Variants in ZBTB20 observed in about 807,000 individuals in gnomAD.
The protein encoded by ZBTB20 is zinc finger and BTB domain containing 20.
ZBTB20 carries 9 observed loss-of-function variants against 56.9 expected under a neutral mutation model. The ratio of observed to expected loss-of-function variants is 0.16; its 90% CI spans 0.10 to 0.28. The LOEUF (loss-of-function observed/expected upper bound fraction) is 0.28, where lower values mean the gene tolerates loss of function less well. Ranked by LOEUF, ZBTB20 falls within the 10% of genes least tolerant of loss-of-function variation. The pLI is 1.00. For missense variants in ZBTB20, 655 were observed against 1,003.0 expected (o/e 0.65, Z 4.69); for synonymous variants, 417 against 420.7 (o/e 0.99, Z 0.11).
chr3:114,557,856 T>C (rs1189554153), intron 6 of ZBTB20, among the ~76,000 whole-genome samples: 2 of 152,056 alleles, frequency 1.3e-5, no homozygotes, highest in Non-Finnish European at 2.9e-5. Context: ...TAAATTATTA[T>C]TTTTACACAT....
In ZBTB20 at chr3:114,318,032, T is replaced by C. The variant is rs1411402468; in HGVS notation, c.*20973A>G. ...TGGTCTGGAAAGTGCCCCAGTTAAA[T>C]ATCTCCAGTTCATCATGGTACAGCT... On this transcript the variant is annotated 3_prime_UTR_variant, in exon 12 of 12. Coordinates refer to ENST00000675478, the MANE Select transcript of ZBTB20 (RefSeq NM_001348800.3). 6.6e-6 allele frequency: 1 copy of C among 152,208 alleles called. No individual in the cohort carries two copies. Among genetic ancestry groups the C allele is most frequent in the Non-Finnish European group, 1.5e-5 (1 of 68,044 alleles). 9.4% of individuals were successfully genotyped at this position (152,208 alleles called of 1,614,324 possible).
intron 7 of ZBTB20, among the ~76,000 whole-genome samples, chr3:114,431,006 C>T (rs2090078629): frequency 6.6e-6 from 1 of 152,166 alleles, no homozygotes; most frequent in African/African-American, 2.4e-5. Flanking sequence ...TGGAGTTTCT[C>T]CTCGTGCTAA....
intron 5 of ZBTB20, among the ~76,000 whole-genome samples, chr3:114,774,435 T>C (rs1354927980): frequency 6.6e-6 from 1 of 152,202 alleles, no homozygotes; most frequent in Non-Finnish European, 1.5e-5. Context: ...CAATGCAGGA[T>C]AGAAATGGCC....
intron 1 of ZBTB20, among the ~76,000 whole-genome samples, chr3:115,120,474 T>G (rs573205622): frequency 6.6e-6 from 1 of 151,730 alleles, no homozygotes; most frequent in Non-Finnish European, 1.5e-5. Flanking sequence ...CAGAAAAAAA[T>G]TTTTTGAGTC....
intron 5 of ZBTB20, among the ~76,000 whole-genome samples, chr3:114,748,683 G>A (rs1578681460): frequency 1.3e-5 from 2 of 152,052 alleles, no homozygotes; most frequent in Non-Finnish European, 1.5e-5. Context: ...GAAGATTACT[G>A]GTTTGAAGGC....
chr3:114,530,491 G>T (rs1443672073), intron 6 of ZBTB20, among the ~76,000 whole-genome samples: 1 of 152,154 alleles, frequency 6.6e-6, no homozygotes, highest in Non-Finnish European at 1.5e-5. Flanking sequence ...ACACAACGAT[G>T]AAATTGCCTA....
chr3:114,873,060 T>C (rs1179600058), intron 4 of ZBTB20: 4 of 152,158 alleles, frequency 2.6e-5, no homozygotes, highest in Non-Finnish European at 5.9e-5. Context: ...TTGAAGATAC[T>C]GAGGCCCAGT....
intron 2 of ZBTB20, among the ~76,000 whole-genome samples, chr3:115,047,917 T>C (rs1376597798): frequency 6.6e-6 from 1 of 152,136 alleles, no homozygotes; most frequent in Non-Finnish European, 1.5e-5. Flanking sequence ...CTAATACTTA[T>C]TAAGAGCTAA....
At chr3:114,672,591 G>A (rs1343621975) in intron 6 of ZBTB20, among the ~76,000 whole-genome samples, 2 of 152,072 alleles carry the variant, frequency 1.3e-5, no homozygotes, top group African/African-American at 4.8e-5. Flanking sequence ...GCCAGTAGAC[G>A]CCAGCCTACC....
chr3:114,514,465 C>G (rs532820479), intron 6 of ZBTB20, among the ~76,000 whole-genome samples: 1 of 152,150 alleles, frequency 6.6e-6, no homozygotes, highest in Non-Finnish European at 1.5e-5. Flanking sequence ...GCTTTTCTTA[C>G]GAATACCAGA....
intron 2 of ZBTB20, among the ~76,000 whole-genome samples, chr3:115,001,054 G>A (rs2079225765): frequency 6.7e-6 from 1 of 149,262 alleles, no homozygotes; most frequent in African/African-American, 2.5e-5. Context: ...TATCTGAAGT[G>A]GCATATTCTA....
intron 5 of ZBTB20, among the ~76,000 whole-genome samples, chr3:114,794,422 G>A (rs1230782825): frequency 3.3e-5 from 5 of 152,086 alleles, no homozygotes; most frequent in Admixed American, 1.3e-4. Context: ...TTTAGCTCCT[G>A]AGTATTGGGA....
chr3:114,331,802 T>C lies in ZBTB20; in HGVS notation c.*7203A>G, dbSNP rs938413035. On this transcript the variant is annotated 3_prime_UTR_variant, in exon 12 of 12. Transcript: ENST00000675478. ...CGTGAGATATGTCAGACCTTCGACT[T>C]CTAACCAGAAGTTCAAAAATGTATC... 4 of 152,228 alleles carry C rather than the reference T, an allele frequency of 2.6e-5. No homozygotes were observed. The highest frequency in any genetic ancestry group is 9.7e-5 in the African/African-American group (4 of 41,450). The allele number at this position is 152,228 out of a possible 1,614,324, so 9.4% of individuals were successfully genotyped here. A position where few individuals can be genotyped will look rare whatever the true frequency, so the allele number is the denominator to read the frequency against.
intron 6 of ZBTB20, among the ~76,000 whole-genome samples, chr3:114,617,090 C>T (rs1043653329): frequency 6.6e-6 from 1 of 152,308 alleles, no homozygotes; most frequent in Admixed American, 6.5e-5. Flanking sequence ...CTATCCTCTA[C>T]CCTGCTGACA....
chr3:114,858,974 T>A (rs1576132605), intron 4 of ZBTB20, among the ~76,000 whole-genome samples: 1 of 152,198 alleles, frequency 6.6e-6, no homozygotes, highest in Admixed American at 6.5e-5. Context: ...GTATGGCTGG[T>A]ATGATCTCAC....
intron 2 of ZBTB20, among the ~76,000 whole-genome samples, chr3:115,042,935 T>C (rs971662897): frequency 1.3e-5 from 2 of 152,212 alleles, no homozygotes; most frequent in Admixed American, 1.3e-4. Context: ...ATCATAAGTG[T>C]TGAGATCCTA....
At chr3:114,361,656 A>G (rs1445455916) in intron 10 of ZBTB20, among the ~76,000 whole-genome samples, 1 of 152,186 alleles carries the variant, frequency 6.6e-6, no homozygotes, top group African/African-American at 2.4e-5. Context: ...ATTAACCCAG[A>G]ATGGGTAAGG....
chr3:114,482,485 G>T (rs1011939643), intron 7 of ZBTB20, among the ~76,000 whole-genome samples: 1 of 152,314 alleles, frequency 6.6e-6, no homozygotes, highest in South Asian at 2.1e-4. Flanking sequence ...TAATGGGTCA[G>T]TCACTCTTAA....
At chr3:114,698,842 T>C (rs1384315585) in intron 5 of ZBTB20, among the ~76,000 whole-genome samples, 1 of 152,150 alleles carries the variant, frequency 6.6e-6, no homozygotes, top group Non-Finnish European at 1.5e-5. Context: ...CCCATGGTGG[T>C]ATGCACACAG....
Sources: allele counts gnomAD v4.1 joint callset (sites outside exome capture counted in the v4.1 genomes callset), GRCh38; gene constraint gnomAD v4.1.1; transcripts MANE v1.5; gene names NCBI Gene and HGNC (gene_info 2026-07-23, HGNC 2026-07-21).